The following VPS13D variants were observed in gnomAD, a reference collection of about 807,000 sequenced individuals.
VPS13D encodes the protein intermembrane lipid transfer protein VPS13D.
In VPS13D, 187 loss-of-function variants were observed where a neutral mutation model predicts 461.9. The ratio of observed to expected loss-of-function variants is 0.40; its 90% CI spans 0.36 to 0.46. The LOEUF is 0.46. Ranked by LOEUF, VPS13D falls within the 20% of genes least tolerant of loss-of-function variation. The pLI, the probability that VPS13D is intolerant of heterozygous loss-of-function variation, is 0.60. For synonymous variants in VPS13D, 1,951 were observed against 1,986.3 expected, an observed-to-expected ratio of 0.98 and a Z score of 0.47; for missense variants, 4,711 against 5,364.9, an observed-to-expected ratio of 0.88 and a Z score of 3.81.
rs755301037 is a variant in VPS13D at position 12,379,552 on chromosome 1, C to T, written c.11146C>T (p.Arg3716Ter). The T allele has an allele frequency of 1.2e-6, 2 of 1,613,416 alleles. No individual in the cohort carries two copies. Among genetic ancestry groups the T allele is most frequent in the Non-Finnish European group, 8.5e-7 (1 of 1,179,740 alleles). Residue 3716 changes from arginine (R) to a stop codon, truncating the protein, a stop_gained, in exon 57 of 70, where the codon CGA becomes TGA. Transcript: ENST00000620676. LOFTEE classifies it high-confidence loss of function. ...RRSTTQTWSFREGKLTCGLHG... is the reference protein window; with the variant it reads ...RRSTTQTWSF ...AAGCACAACTCAGACGTGGAGTTTC[C>T]GAGAAGGAAAACTGACCTGTGGGTT...
At chr1:12,307,492 T>TA (rs1322996701) in intron 26 of VPS13D, among the ~76,000 whole-genome samples, 1 of 151,970 alleles carries the variant, frequency 6.6e-6, no homozygotes, top group Non-Finnish European at 1.5e-5. Flanking sequence ...TTTACAGAAA[T>TA]AATTTTGTTT....
rs573061776 is a variant in VPS13D, at chr1:12,473,951, C to T, written c.12662+13555C>T. 7.2e-5 allele frequency among the ~76,000 whole-genome samples: 11 copies of T among 152,274 alleles called. No homozygotes were observed. The highest frequency in any genetic ancestry group is 1.9e-4 in the East Asian group (1 of 5,168). ...CACTGGAAAAGGTGTGCAGAGGCCA[C>T]GAACTTGCTCTGAACCCACTTGTGA... is the stretch of plus-strand genomic sequence containing the variant. On this transcript the variant is annotated intron_variant, in intron 67 of 69. Transcript: ENST00000620676. The surrounding 1 kb of genome is among the most constrained non-coding windows in gnomAD (Gnocchi z 4.2).
Position 12,302,802 on chromosome 1 carries a change from G to T in VPS13D, c.6217-1704G>T, listed in dbSNP as rs955260830. ...AATTACTTTCATACTATGTAAAGAT[G>T]TTGTTCTTAAGGCCCATTGAAAAGA... On this transcript the variant is annotated intron_variant, in intron 25 of 69. Coordinates refer to ENST00000620676, the MANE Select transcript of VPS13D (RefSeq NM_015378.4). 8.8e-5 allele frequency among the ~76,000 whole-genome samples: 11 copies of T among 125,266 alleles called. No homozygotes were observed. In the South Asian group the frequency reaches 3.0e-3, roughly 34 times the overall value. 82.2% of individuals were successfully genotyped at this position (125,266 alleles called of 152,430 possible).
At chr1:12,285,913 A>T (rs1641951906) in intron 21 of VPS13D, among the ~76,000 whole-genome samples, 1 of 151,590 alleles carries the variant, frequency 6.6e-6, no homozygotes, top group South Asian at 2.1e-4. Flanking sequence ...AAATAAAATG[A>T]TGCATGAATT....
At chr1:12,300,123 CTG>C (rs1642383160) in intron 25 of VPS13D, among the ~76,000 whole-genome samples, 1 of 150,294 alleles carries the variant, frequency 6.7e-6, no homozygotes, top group Non-Finnish European at 1.5e-5. Flanking sequence ...AGGAGGGTAT[CTG>C]TTGTTCTCAT....
chr1:12,398,535 G>T (rs1644530019), intron 60 of VPS13D, among the ~76,000 whole-genome samples: 1 of 152,048 alleles, frequency 6.6e-6, no homozygotes, highest in African/African-American at 2.4e-5. Flanking sequence ...TCTCTTAGGG[G>T]TACCCAAAAA....
intron 27 of VPS13D, among the ~76,000 whole-genome samples, chr1:12,311,028 A>G (rs1333698584): frequency 1.3e-5 from 2 of 151,458 alleles, no homozygotes; most frequent in Non-Finnish European, 2.9e-5. Context: ...GTGAACCCCC[A>G]CCTCAGCCTC....
chr1:12,379,499 T>C lies in VPS13D; in HGVS notation c.11093T>C (p.Leu3698Pro). Residue 3698 changes from leucine (L) to proline (P), a missense_variant, in exon 57 of 70, where the codon CTG becomes CCG. Transcript: ENST00000620676. ...ATTCCGTTTTCCAGATACGAGCCAC[T>C]GATGCTGAGAAAGCCTGACCGCAGG... ...AAVTDNRYEPLMLRKPDRRRS... is the reference protein window; with the variant it reads ...AAVTDNRYEPPMLRKPDRRRS... The C allele has an allele frequency of 6.2e-7, 1 of 1,612,932 alleles. No individual in the cohort carries two copies. The highest frequency in any genetic ancestry group is 8.5e-7 in the Non-Finnish European group (1 of 1,179,510).
intron 23 of VPS13D, among the ~76,000 whole-genome samples, chr1:12,292,331 CT>C (rs145251288): frequency 0.04 from 5,461 of 137,958 alleles, 225 homozygotes; most frequent in African/African-American, 0.1. Flanking sequence ...GTTTTCAACC[CT>C]TTTTTTTTTC....
In VPS13D at chr1:12,277,747, T is replaced by G; in HGVS notation, c.4159T>G (p.Ser1387Ala). ...CATAAACATTGAATCACCAGTTGTT[T>G]CTATCCCTCGGAAGCCGGGGAGTCC... The part of the protein sequence containing the change: ...LNINIESPVV[S>A]IPRKPGSPEL... Residue 1387 changes from serine to alanine, a missense_variant, in exon 19 of 70, where the codon TCT becomes GCT. Ser to Ala is a moderately conservative substitution (Grantham distance 99, BLOSUM62 1). This residue lies in a region of VPS13D where 4,411 missense variants were observed against 4,937.8 expected (regional missense o/e 0.89). Transcript: ENST00000620676. The G allele has an allele frequency of 6.2e-7, 1 of 1,614,234 alleles. No homozygotes were observed. Among genetic ancestry groups the G allele is most frequent in the Non-Finnish European group, 8.5e-7 (1 of 1,180,040 alleles).
At chr1:12,408,378 G>A (rs1482136470) in intron 63 of VPS13D, among the ~76,000 whole-genome samples, 1 of 152,030 alleles carries the variant, frequency 6.6e-6, no homozygotes, top group African/African-American at 2.4e-5. Flanking sequence ...CTTTTTTGCG[G>A]GGTGGGGAAG....
At chr1:12,287,021 C>T (rs559485330) in intron 21 of VPS13D, among the ~76,000 whole-genome samples, 1 of 152,100 alleles carries the variant, frequency 6.6e-6, no homozygotes, top group Non-Finnish European at 1.5e-5. Context: ...CCACCATGCC[C>T]AGCTAGTTTT....
chr1:12,483,826 C>T (rs1645757166), intron 67 of VPS13D, among the ~76,000 whole-genome samples: 2 of 151,878 alleles, frequency 1.3e-5, no homozygotes, highest in Admixed American at 6.6e-5. Context: ...GGTGAAACCC[C>T]GTCTCTACTA....
intron 25 of VPS13D, among the ~76,000 whole-genome samples, chr1:12,304,261 T>C (rs1399024582): frequency 6.6e-6 from 1 of 152,202 alleles, no homozygotes; most frequent in East Asian, 1.9e-4. Flanking sequence ...CCTGCAGAAG[T>C]TTTCAGCAAG....
intron 65 of VPS13D, among the ~76,000 whole-genome samples, chr1:12,424,737 A>T (rs540915341): frequency 1.3e-5 from 2 of 152,324 alleles, no homozygotes; most frequent in South Asian, 4.1e-4. Flanking sequence ...GAACTTCTTC[A>T]TTTCCTAATG....
Position 12,277,418 on chromosome 1 carries a change from G to A in VPS13D, c.3830G>A (p.Arg1277Lys), listed in dbSNP as rs1641647658. Residue 1277 changes from arginine (R) to lysine (K), a missense_variant, in exon 19 of 70, where the codon AGA becomes AAA. By Grantham distance (26) the Arg-to-Lys change is conservative. Coordinates refer to ENST00000620676, the MANE Select transcript of VPS13D (RefSeq NM_015378.4). ...TEALSFTFVE[R>K]SKQECFLNLK... ...GCTTTGAGTTTCACGTTTGTTGAGA[G>A]ATCTAAACAGGAGTGTTTTCTCAAC... The A allele has an allele frequency of 6.2e-7, 1 of 1,614,088 alleles. No individual in the cohort carries two copies. The highest frequency in any genetic ancestry group is 8.5e-7 in the Non-Finnish European group (1 of 1,180,054).
intron 68 of VPS13D, among the ~76,000 whole-genome samples, chr1:12,501,336 A>G (rs942811037): frequency 1.3e-5 from 2 of 152,186 alleles, no homozygotes; most frequent in Non-Finnish European, 2.9e-5. Flanking sequence ...ATGGAATAGA[A>G]TTTATTAGCT....
In VPS13D at chr1:12,456,712, C is replaced by T. The variant is rs538497732; in HGVS notation, c.12466+582C>T. Reference sequence around the variant, plus strand: ...TGTGTTGGCGTACCTGATAGCCTTCCAAGCTCTCTTACTTTATCCTCCTTG... The same window carrying T: ...TGTGTTGGCGTACCTGATAGCCTTCTAAGCTCTCTTACTTTATCCTCCTTG... On this transcript the variant is annotated intron_variant, in intron 66 of 69. Coordinates refer to ENST00000620676, the MANE Select transcript of VPS13D (RefSeq NM_015378.4). Among the ~76,000 whole-genome samples the T allele has an allele frequency of 6.6e-5, 10 of 151,630 alleles. No homozygotes were observed. In the South Asian group the frequency reaches 1.9e-3, roughly 28 times the overall value.
chr1:12,376,735 T>C (rs1644203963), intron 55 of VPS13D, among the ~76,000 whole-genome samples: 1 of 152,128 alleles, frequency 6.6e-6, no homozygotes, highest in African/African-American at 2.4e-5. Flanking sequence ...TGTAAATGAG[T>C]TTGTGGTACC....
Sources: gnomAD v4.1 joint callset for allele counts (sites outside exome capture counted in the v4.1 genomes callset) on GRCh38, gnomAD v4.1.1 for gene constraint, gnomAD v4.1.1 regional missense constraint, Gnocchi (gnomAD v3.1) non-coding constraint, MANE v1.5 for transcripts, NCBI Gene and HGNC (gene_info 2026-07-23, HGNC 2026-07-21) for gene names.